The following UPF1 variants were observed in gnomAD, a reference collection of about 807,000 sequenced individuals.
UPF1 encodes the protein UPF1 RNA helicase and ATPase, also known as regulator of nonsense transcripts 1.
UPF1 carries 9 observed loss-of-function variants against 129.2 expected under a neutral mutation model. The ratio of observed to expected loss-of-function variants is 0.07; its 90% CI spans 0.04 to 0.12. The LOEUF (loss-of-function observed/expected upper bound fraction) is 0.12. Ranked by LOEUF, UPF1 falls within the 10% of genes least tolerant of loss-of-function variation. The pLI, the probability that UPF1 is intolerant of heterozygous loss-of-function variation, is 1.00. For missense variants in UPF1, 788 were observed against 1,525.3 expected, an observed-to-expected ratio of 0.52 and a Z score of 8.05; for synonymous variants, 649 against 644.9, an observed-to-expected ratio of 1.01 and a Z score of -0.10.
chr19:18,865,930 T>C lies in UPF1; in HGVS notation c.3238-114T>C. 6.3e-7 allele frequency: 1 copy of C among 1,587,138 alleles called. No homozygotes were observed. The highest frequency in any genetic ancestry group is 8.5e-7 in the Non-Finnish European group (1 of 1,170,128). On this transcript the variant is annotated intron_variant, in intron 22 of 23. Coordinates refer to ENST00000262803, the MANE Select transcript of UPF1 (RefSeq NM_002911.4). This position sits in a 1 kb window ranked among gnomAD's most constrained non-coding sequence, Gnocchi z 6.1. ...GCTGGGGTCATCAGAGTGGGTCTCC[T>C]GGGTCTTAGTTTGGGGACGGGTTTT...
At chr19:18,856,753 T>G in intron 13 of UPF1, 124 bp from the exon 14 acceptor site, 1 of 1,362,948 alleles carries the variant, frequency 7.3e-7, no homozygotes, top group Non-Finnish European at 9.8e-7. Context: ...GAGGGACAGC[T>G]TGTTTTTTAT....
Position 18,832,053 on chromosome 19 carries a change from C to G in UPF1, c.-157C>G, listed in dbSNP as rs1053570943. 1.6e-6 allele frequency: 1 copy of G among 621,548 alleles called. No individual in the cohort carries two copies. The highest frequency in any genetic ancestry group is 2.0e-5 in the African/African-American group (1 of 50,638). 38.5% of individuals were successfully genotyped at this position (621,548 alleles called of 1,614,324 possible). ...AGCGGCGGCGGCTCGGCACTGTTAC[C>G]TCTCGGTCCGGCTGGCGCCGGGGCG... On this transcript the variant is annotated 5_prime_UTR_variant, in exon 1 of 24. Transcript: ENST00000262803. The surrounding 1 kb of genome is among the most constrained non-coding windows in gnomAD (Gnocchi z 5.6).
In UPF1 at chr19:18,867,238, TTTG is replaced by T. The variant is rs1423822191; in HGVS notation, c.*728_*730del. On this transcript the variant is annotated 3_prime_UTR_variant, in exon 24 of 24. Coordinates refer to ENST00000262803, the MANE Select transcript of UPF1 (RefSeq NM_002911.4). ...ACACCTGTGCCGCGGCCGGAGGAGT[TTTG>T]TTGTTGGTTTTAGCTTCCAGTGGCT... is the stretch of plus-strand genomic sequence containing the variant. 7 of 152,066 alleles carry T rather than the reference TTTG, an allele frequency of 4.6e-5. No individual in the cohort carries two copies. Among genetic ancestry groups the T allele is most frequent in the African/African-American group, 9.7e-5 (4 of 41,396 alleles). The allele number at this position is 152,066 out of a possible 1,614,324, so 9.4% of individuals were successfully genotyped here. A position where few individuals can be genotyped will look rare whatever the true frequency, so the allele number is the denominator to read the frequency against.
chr19:18,857,586 G>A, intron 15 of UPF1, 53 bp downstream of exon 15: 1 of 1,512,836 alleles, frequency 6.6e-7, no homozygotes, highest in Non-Finnish European at 8.9e-7. Flanking sequence ...GGCATCAAGG[G>A]AATGTGGACT....
rs1243494845 is a variant in UPF1, at chr19:18,866,570, T to C, written c.*53T>C. The stretch of plus-strand genomic sequence containing the variant: ...GTGGCTTAGTCCATCAGCATCTTAT[T>C]CTGGGTAATAAAAAATAAAAATAAA... On this transcript the variant is annotated 3_prime_UTR_variant, in exon 24 of 24. Transcript: ENST00000262803. 1.8e-5 allele frequency: 3 copies of C among 169,880 alleles called. No homozygotes were observed. The highest frequency in any genetic ancestry group is 1.3e-4 in the Admixed American group (2 of 15,658). 10.5% of individuals were successfully genotyped at this position (169,880 alleles called of 1,614,324 possible). A position where few individuals can be genotyped will look rare whatever the true frequency, so the allele number is the denominator to read the frequency against.
chr19:18,866,954 G>A lies in UPF1; in HGVS notation c.*437G>A, dbSNP rs1218777443. ...CCTTGCAAAGACAGCAGCGTGCGGGGCAGAGCCCCGGGAGGGCGCGTCTGT... is the reference window on the plus strand; with the variant it reads ...CCTTGCAAAGACAGCAGCGTGCGGGACAGAGCCCCGGGAGGGCGCGTCTGT... On this transcript the variant is annotated 3_prime_UTR_variant, in exon 24 of 24. Coordinates refer to ENST00000262803, the MANE Select transcript of UPF1 (RefSeq NM_002911.4). 1.3e-5 allele frequency: 2 copies of A among 152,602 alleles called. No individual in the cohort carries two copies. Among genetic ancestry groups the A allele is most frequent in the African/African-American group, 2.4e-5 (1 of 41,470 alleles). The allele number at this position is 152,602 out of a possible 1,614,324, so 9.5% of individuals were successfully genotyped here. A position where few individuals can be genotyped will look rare whatever the true frequency, so the allele number is the denominator to read the frequency against.
At position 18,863,543 on chromosome 19, in the gene UPF1, G is replaced by A. The variant is rs200092149; in HGVS notation, c.2706G>A (p.Pro902=). ...AGCAGAAGGTGCTGGTGGAGGGGCC[G>A]CTCAACAACCTGCGTGAGAGCCTCA... ...YKEQKVLVEG[P]LNNLRESLMQ... The change falls in exon 19 of 24, where the codon CCG becomes CCA. Residue 902 remains proline, a synonymous_variant. Transcript: ENST00000262803. 11 of 1,613,722 alleles carry A rather than the reference G, an allele frequency of 6.8e-6. No homozygotes were observed. Among genetic ancestry groups the A allele is most frequent in the African/African-American group, 1.3e-5 (1 of 74,920 alleles).
chr19:18,865,247 C>T lies in UPF1; in HGVS notation c.2858-42C>T, dbSNP rs1413699594. Reference sequence around the variant, plus strand: ...TGGGTGGGGTATCGCTGGGGTTTGACCGAGGCAGGTGACACCTGCCGTGTT... The same window carrying T: ...TGGGTGGGGTATCGCTGGGGTTTGATCGAGGCAGGTGACACCTGCCGTGTT... On this transcript the variant is annotated intron_variant, in intron 20 of 23. Coordinates refer to ENST00000262803, the MANE Select transcript of UPF1 (RefSeq NM_002911.4). This position sits in a 1 kb window ranked among gnomAD's most constrained non-coding sequence, Gnocchi z 6.1. 1 of 1,562,276 alleles carries T rather than the reference C, an allele frequency of 6.4e-7. No homozygotes were observed. The highest frequency in any genetic ancestry group is 1.8e-5 in the Admixed American group (1 of 56,470).
At chr19:18,863,407 C>G (rs201263974) in intron 18 of UPF1, 31 bp from the exon 19 acceptor site, 1 of 1,602,396 alleles carries the variant, frequency 6.2e-7, no homozygotes, top group East Asian at 2.2e-5. Context: ...AGCTCTCCAC[C>G]TGCGTCCTCA....
chr19:18,845,203 C>A (rs529081335), intron 1 of UPF1, among the ~76,000 whole-genome samples: 26 of 152,358 alleles, frequency 1.7e-4, no homozygotes, highest in Middle Eastern at 6.8e-3. Context: ...TTGTGTTCTG[C>A]CATGACACAG....
In UPF1 at chr19:18,850,877, G is replaced by GC; in HGVS notation, c.810+12dup. On this transcript the variant is annotated intron_variant, in intron 5 of 23. Transcript: ENST00000262803. The surrounding 1 kb of genome is among the most constrained non-coding windows in gnomAD (Gnocchi z 7.1). ...TGGAGGAGCTGTGGAAGGTGGGGCT[G>GC]CCCAGCGGGCCGACCCGTGCCTTCG... 1 of 1,558,444 alleles carries GC rather than the reference G, an allele frequency of 6.4e-7. No individual in the cohort carries two copies.
At position 18,865,710 on chromosome 19, in the gene UPF1, G is replaced by A. The variant is rs1351059375; in HGVS notation, c.3169G>A (p.Gly1057Ser). ...CTTCTCTCAGGGCGCCCTGACGCAG[G>A]GCTACATCTCCATGAGCCAGCCTTC... ...QPFSQGALTQ[G>S]YISMSQPSQM... is the part of the protein sequence containing the mutation. Residue 1057 changes from glycine to serine, a missense_variant, in exon 22 of 24, where the codon GGC becomes AGC. This residue lies in a region of UPF1 where 218 missense variants were observed against 318.1 expected (regional missense o/e 0.69). Transcript: ENST00000262803. The surrounding 1 kb of genome is among the most constrained non-coding windows in gnomAD (Gnocchi z 6.1). 1.2e-6 allele frequency: 2 copies of A among 1,613,684 alleles called. No homozygotes were observed. Among genetic ancestry groups the A allele is most frequent in the South Asian group, 1.1e-5 (1 of 91,086 alleles).
intron 1 of UPF1, among the ~76,000 whole-genome samples, chr19:18,837,738 C>A (rs1230260278): frequency 1.3e-5 from 2 of 152,230 alleles, no homozygotes; most frequent in African/African-American, 4.8e-5. Context: ...TTTGTTCCTT[C>A]ATCCTCAGGT....
In UPF1 at chr19:18,853,249, A is replaced by G. The variant is rs756313708; in HGVS notation, c.1058-3A>G. The stretch of plus-strand genomic sequence containing the variant: ...GCCACCTCTCTCACTTTTTTACCTC[A>G]AGACATGCGGCTCATGCAGGGGGAT... On this transcript the variant is annotated splice_region_variant and splice_polypyrimidine_tract_variant and intron_variant, in intron 7 of 23. Coordinates refer to ENST00000262803, the MANE Select transcript of UPF1 (RefSeq NM_002911.4). This position sits in a 1 kb window ranked among gnomAD's most constrained non-coding sequence, Gnocchi z 4.4. 2.1e-5 allele frequency: 33 copies of G among 1,609,584 alleles called. No individual in the cohort carries two copies. Among genetic ancestry groups the G allele is most frequent in the Non-Finnish European group, 2.8e-5 (33 of 1,177,596 alleles).
chr19:18,865,378 A>G lies in UPF1; in HGVS notation c.2947A>G (p.Ile983Val). The G allele has an allele frequency of 6.2e-7, 1 of 1,614,036 alleles. No individual in the cohort carries two copies. The highest frequency in any genetic ancestry group is 8.5e-7 in the Non-Finnish European group (1 of 1,180,008). ...CCACGTGGCTGCCATGAACATTCCCATCCCCTTCAACCTGGTCATGCCACC... is the reference window on the plus strand; with the variant it reads ...CCACGTGGCTGCCATGAACATTCCCGTCCCCTTCAACCTGGTCATGCCACC... The part of the protein sequence containing the change: ...PSHVAAMNIP[I>V]PFNLVMPPMP... The change falls in exon 21 of 24, where the codon ATC becomes GTC. Residue 983 changes from isoleucine to valine, a missense_variant. Ile to Val is a conservative substitution (Grantham distance 29). Transcript: ENST00000262803. This position sits in a 1 kb window ranked among gnomAD's most constrained non-coding sequence, Gnocchi z 6.1.
Position 18,850,801 on chromosome 19 carries a change from A to C in UPF1, c.743A>C (p.Glu248Ala). 6.2e-7 allele frequency: 1 copy of C among 1,610,456 alleles called. No individual in the cohort carries two copies. ...FLSWLVKIPS[E>A]QEQLRARQIT... Reference sequence around the variant, plus strand: ...TCCTGGCTGGTCAAGATCCCCTCCGAGCAGGAGCAGCTGCGGGCACGCCAG... The same window carrying C: ...TCCTGGCTGGTCAAGATCCCCTCCGCGCAGGAGCAGCTGCGGGCACGCCAG... The change falls in exon 5 of 24, where the codon GAG (glutamate) becomes GCG (alanine). Residue 248 changes from glutamate to alanine, a missense_variant. This residue lies in a region of UPF1 where 227 missense variants were observed against 517.9 expected (regional missense o/e 0.44). Transcript: ENST00000262803. The surrounding 1 kb of genome is among the most constrained non-coding windows in gnomAD (Gnocchi z 7.1).
intron 2 of UPF1, 30 bp downstream of exon 2, chr19:18,846,149 G>A (rs2055595595): frequency 1.2e-6 from 2 of 1,612,610 alleles, no homozygotes; most frequent in East Asian, 2.2e-5. Context: ...GCCTGGGCAT[G>A]TGCTGGACAG....
Position 18,863,587 on chromosome 19 carries a change from G to A in UPF1, c.2750G>A (p.Arg917Gln), listed in dbSNP as rs1386152644. ...AGCCTCATGCAGTTCAGCAAGCCAC[G>A]GAAGCTGGTCAACACTATCAACCCG... Reference protein sequence around the residue: ...RESLMQFSKPRKLVNTINPGA... With the variant: ...RESLMQFSKPQKLVNTINPGA... The change falls in exon 19 of 24, where the codon CGG (arginine) becomes CAG (glutamine). Residue 917 changes from arginine (R) to glutamine (Q), a missense_variant. Coordinates refer to ENST00000262803, the MANE Select transcript of UPF1 (RefSeq NM_002911.4). 2.5e-6 allele frequency: 4 copies of A among 1,613,478 alleles called. No individual in the cohort carries two copies. The highest frequency in any genetic ancestry group is 1.3e-5 in the African/African-American group (1 of 74,914).
In UPF1 at chr19:18,866,957, G is replaced by T. The variant is rs1357207702; in HGVS notation, c.*440G>T. ...TGCAAAGACAGCAGCGTGCGGGGCAGAGCCCCGGGAGGGCGCGTCTGTCCA... is the reference window on the plus strand; with the variant it reads ...TGCAAAGACAGCAGCGTGCGGGGCATAGCCCCGGGAGGGCGCGTCTGTCCA... On this transcript the variant is annotated 3_prime_UTR_variant, in exon 24 of 24. Transcript: ENST00000262803. 1 of 152,604 alleles carries T rather than the reference G, an allele frequency of 6.6e-6. No individual in the cohort carries two copies. Among genetic ancestry groups the T allele is most frequent in the Non-Finnish European group, 1.5e-5 (1 of 68,050 alleles). The allele number at this position is 152,604 out of a possible 1,614,324, so 9.5% of individuals were successfully genotyped here. A position where few individuals can be genotyped will look rare whatever the true frequency, so the allele number is the denominator to read the frequency against.
Sources: gnomAD v4.1 joint callset for allele counts (sites outside exome capture counted in the v4.1 genomes callset) on GRCh38, gnomAD v4.1.1 for gene constraint, gnomAD v4.1.1 regional missense constraint, Gnocchi (gnomAD v3.1) non-coding constraint, MANE v1.5 for transcripts, NCBI Gene and HGNC (gene_info 2026-07-23, HGNC 2026-07-21) for gene names.